The following FRMPD4 variants were observed in gnomAD, a reference collection of about 807,000 sequenced individuals.
FRMPD4 encodes FERM and PDZ domain-containing protein 4.
FRMPD4 carries 22 observed loss-of-function variants against 94.1 expected under a neutral mutation model. The ratio of observed to expected loss-of-function variants is 0.23; its 90% CI spans 0.17 to 0.33. The LOEUF is 0.33. Among genes scored for constraint, FRMPD4 ranks in the 10% least tolerant of loss-of-function variants. The pLI is 1.00. For synonymous variants in FRMPD4, 631 were observed against 548.6 expected (o/e 1.15, Z -2.10); for missense variants, 1,111 against 1,339.9 (o/e 0.83, Z 2.67).
chrX:12,300,701 A>G (rs569439611), intron 1 of FRMPD4, among the ~76,000 whole-genome samples: 1 of 112,322 alleles, frequency 8.9e-6, no homozygotes, highest in African/African-American at 3.2e-5. Context: ...AGAAAAAAAG[A>G]AAATCTCAAG....
intron 1 of FRMPD4, among the ~76,000 whole-genome samples, chrX:12,459,908 C>T (rs183954741): frequency 8.9e-6 from 1 of 111,737 alleles, no homozygotes; most frequent in East Asian, 2.8e-4. Flanking sequence ...CTTCTATCCC[C>T]ACTAACAATA....
chrX:12,579,086 A>T lies in FRMPD4; in HGVS notation c.159-30635A>T, dbSNP rs148558478. 2.2e-3 allele frequency among the ~76,000 whole-genome samples: 245 copies of T among 112,483 alleles called. 2 individuals are homozygous for T. The highest frequency in any genetic ancestry group is 7.6e-3 in the African/African-American group (237 of 31,001). The stretch of plus-strand genomic sequence containing the variant: ...ATTGGATAGTCATGGAGAATATTTC[A>T]TCCAAGGTATAGAAATGCCTGGAAT... On this transcript the variant is annotated intron_variant, in intron 2 of 16. Coordinates refer to ENST00000675598, the MANE Select transcript of FRMPD4 (RefSeq NM_001368397.1).
chrX:11,908,066 C>T (rs762619028), intron 3 of FRMPD4, among the ~76,000 whole-genome samples: 6 of 111,047 alleles, frequency 5.4e-5, no homozygotes, highest in Admixed American at 9.6e-5. Context: ...TGTGGGTCAC[C>T]CTTTTGTCTG....
chrX:12,024,240 A>G (rs1157899045), intron 3 of FRMPD4, among the ~76,000 whole-genome samples: 1 of 111,969 alleles, frequency 8.9e-6, no homozygotes, highest in Non-Finnish European at 1.9e-5. Context: ...ATACGTGCAT[A>G]TGTGTGTGTC....
At chrX:12,624,653 T>A (rs1023493481) in intron 4 of FRMPD4, among the ~76,000 whole-genome samples, 1 of 111,859 alleles carries the variant, frequency 8.9e-6, no homozygotes, top group African/African-American at 3.3e-5. Flanking sequence ...AAAATAATAA[T>A]AGTCAAACAA....
chrX:12,104,730 A>G (rs2055282523), intron 3 of FRMPD4, among the ~76,000 whole-genome samples: 1 of 112,314 alleles, frequency 8.9e-6, no homozygotes, highest in Non-Finnish European at 1.9e-5. Context: ...TAAATACTTT[A>G]CATGTGTAAT....
At chrX:12,198,263 G>A (rs1054676183) in intron 1 of FRMPD4, among the ~76,000 whole-genome samples, 1 of 111,938 alleles carries the variant, frequency 8.9e-6, no homozygotes, top group Non-Finnish European at 1.9e-5. Flanking sequence ...CAGGCAGAGA[G>A]ACATAAGTCT....
chrX:12,007,276 T>C (rs779974685), intron 3 of FRMPD4, among the ~76,000 whole-genome samples: 31 of 111,914 alleles, frequency 2.8e-4, no homozygotes, highest in Admixed American at 2.2e-3. Context: ...CATGTTGGAA[T>C]TGGATCGTTT....
At chrX:12,647,624 G>T (rs2059560109) in intron 4 of FRMPD4, among the ~76,000 whole-genome samples, 1 of 111,470 alleles carries the variant, frequency 9.0e-6, no homozygotes, top group Non-Finnish European at 1.9e-5. Context: ...TGCACCCCTT[G>T]AACACTCACT....
At chrX:12,312,239 CTTT>C (rs200625685) in intron 1 of FRMPD4, among the ~76,000 whole-genome samples, 231 of 61,267 alleles carry the variant, frequency 3.8e-3, no homozygotes, top group African/African-American at 0.016. Flanking sequence ...TGCTCCATTA[CTTT>C]TTTTTTTTTT....
intron 2 of FRMPD4, among the ~76,000 whole-genome samples, chrX:12,586,717 G>T (rs761187050): frequency 4.6e-4 from 51 of 111,957 alleles, no homozygotes; most frequent in Non-Finnish European, 7.7e-4. Context: ...CCTCAAGCAG[G>T]TGGGATTAAT....
chrX:12,714,977 C>CG (rs2042052954), intron 14 of FRMPD4, among the ~76,000 whole-genome samples: 1 of 112,142 alleles, frequency 8.9e-6, no homozygotes, highest in African/African-American at 3.2e-5. Context: ...GCATGATTTG[C>CG]GGGGAGCAAA....
chrX:12,435,399 C>T (rs928979645), intron 1 of FRMPD4, among the ~76,000 whole-genome samples: 1 of 111,337 alleles, frequency 9.0e-6, no homozygotes, highest in Non-Finnish European at 1.9e-5. Context: ...GCTGTATATA[C>T]AGTATATTCA....
chrX:12,555,195 C>G (rs1449583184), intron 2 of FRMPD4, among the ~76,000 whole-genome samples: 5 of 111,317 alleles, frequency 4.5e-5, no homozygotes, highest in Admixed American at 9.6e-5. Flanking sequence ...ATAGTCTCCT[C>G]TTGTCAATGG....
intron 1 of FRMPD4, among the ~76,000 whole-genome samples, chrX:12,263,835 T>G (rs745917657): frequency 9.9e-5 from 11 of 110,779 alleles, no homozygotes; most frequent in Non-Finnish European, 1.7e-4. Context: ...GGAAGTCCAA[T>G]AGCAAGATGC....
chrX:12,138,290 C>T (rs1444147297), upstream of FRMPD4, among the ~76,000 whole-genome samples: 2 of 112,546 alleles, frequency 1.8e-5, no homozygotes, highest in African/African-American at 3.2e-5. Context: ...TTGCACGGCT[C>T]TCCTTCGGCT....
chrX:11,827,339 T>C (rs1432314639), intron 1 of FRMPD4, among the ~76,000 whole-genome samples: 1 of 108,989 alleles, frequency 9.2e-6, no homozygotes, highest in Non-Finnish European at 1.9e-5. Context: ...TTCAAATGGG[T>C]GACTTAGTTT....
At chrX:12,071,748 C>T (rs2054970384) in intron 3 of FRMPD4, among the ~76,000 whole-genome samples, 1 of 111,400 alleles carries the variant, frequency 9.0e-6, no homozygotes, top group Admixed American at 9.6e-5. Flanking sequence ...GCTACTTGCC[C>T]TTTCTCTGCT....
At chrX:12,235,263 A>G (rs1601724580) in intron 1 of FRMPD4, among the ~76,000 whole-genome samples, 1 of 111,534 alleles carries the variant, frequency 9.0e-6, no homozygotes, top group African/African-American at 3.3e-5. Flanking sequence ...TGAGGATGAA[A>G]TAATGTGTGC....
Sources: gnomAD v4.1 joint callset for allele counts (sites outside exome capture counted in the v4.1 genomes callset) on GRCh38, gnomAD v4.1.1 for gene constraint, MANE v1.5 for transcripts, NCBI Gene and HGNC (gene_info 2026-07-23, HGNC 2026-07-21) for gene names.